Variants in VPS13B observed in about 807,000 individuals in gnomAD.
VPS13B encodes vacuolar protein sorting 13 homolog B.
Under a neutral mutation model 426.4 loss-of-function variants are expected in VPS13B, and 285 were observed. The ratio of observed to expected loss-of-function variants is 0.67; its 90% CI spans 0.61 to 0.74. VPS13B has a LOEUF of 0.74. Among genes scored for constraint, VPS13B ranks in the 30% least tolerant of loss-of-function variants. The pLI is 0.00. For missense variants in VPS13B, 4,537 were observed against 4,782.6 expected, an observed-to-expected ratio of 0.95 and a Z score of 1.51; for synonymous variants, 1,676 against 1,676.4, an observed-to-expected ratio of 1.00 and a Z score of 0.01.
intron 13 of VPS13B, among the ~76,000 whole-genome samples, chr8:99,146,038 G>T (rs1810710007): frequency 9.0e-6 from 1 of 111,232 alleles, no homozygotes; most frequent in East Asian, 4.0e-4. Context: ...ATCTCATTGT[G>T]GTTTTAAAGT....
intron 39 of VPS13B, among the ~76,000 whole-genome samples, chr8:99,732,317 C>T (rs930804759): frequency 6.6e-6 from 1 of 152,204 alleles, no homozygotes; most frequent in Non-Finnish European, 1.5e-5. Context: ...CCCCAGCACC[C>T]TTTCCTTCAT....
At chr8:99,488,685 G>A (rs937016061) in intron 25 of VPS13B, among the ~76,000 whole-genome samples, 1 of 152,114 alleles carries the variant, frequency 6.6e-6, no homozygotes, top group Non-Finnish European at 1.5e-5. Flanking sequence ...TACTGTGTAG[G>A]GACTGGGCTG....
chr8:99,123,122 C>CAAAAAAAAAA (rs71273164), intron 8 of VPS13B, among the ~76,000 whole-genome samples: 1 of 61,436 alleles, frequency 1.6e-5, no homozygotes, highest in Non-Finnish European at 3.0e-5. Context: ...ACTCTGTCTC[C>CAAAAAAAAAA]AAAAAAAAAA....
intron 13 of VPS13B, among the ~76,000 whole-genome samples, chr8:99,146,437 A>G (rs547501088): frequency 6.6e-6 from 1 of 152,310 alleles, no homozygotes; most frequent in South Asian, 2.1e-4. Flanking sequence ...TAATTACTGT[A>G]ACTCTATGGT....
rs918573856 is a variant in VPS13B at position 99,458,220 on chromosome 8, A to G, written c.3446-9194A>G. 3.9e-5 allele frequency among the ~76,000 whole-genome samples: 6 copies of G among 151,954 alleles called. No individual in the cohort carries two copies. The East Asian group carries it at 7.7e-4, about 20-fold the overall frequency. ...GCTGAGAATGATGGTTTCCAGCTTC[A>G]TCCATGTCCCTGCAAAGGACATGAA... On this transcript the variant is annotated intron_variant, in intron 23 of 61. Transcript: ENST00000357162.
intron 39 of VPS13B, among the ~76,000 whole-genome samples, chr8:99,735,088 G>A (rs1191335479): frequency 6.6e-6 from 1 of 152,186 alleles, no homozygotes; most frequent in Non-Finnish European, 1.5e-5. Context: ...ACTTATTTAA[G>A]AAATGGTTTG....
intron 30 of VPS13B, among the ~76,000 whole-genome samples, chr8:99,551,976 G>A (rs1824305664): frequency 6.6e-6 from 1 of 151,606 alleles, no homozygotes; most frequent in South Asian, 2.1e-4. Context: ...TCCTTGTTCT[G>A]TCTATTACCT....
At chr8:99,071,219 G>A (rs1299029908) in intron 3 of VPS13B, among the ~76,000 whole-genome samples, 2 of 152,104 alleles carry the variant, frequency 1.3e-5, no homozygotes, top group African/African-American at 2.4e-5. Context: ...GGGCTTGTTT[G>A]TATCCGTCCT....
At chr8:99,755,571 A>T (rs964722407) in intron 39 of VPS13B, among the ~76,000 whole-genome samples, 7 of 152,168 alleles carry the variant, frequency 4.6e-5, no homozygotes, top group Non-Finnish European at 5.9e-5. Flanking sequence ...GGAGTTCAAC[A>T]CCAGCCTGGC....
intron 8 of VPS13B, among the ~76,000 whole-genome samples, chr8:99,128,397 A>C (rs1460279453): frequency 0.027 from 3,633 of 135,752 alleles, 83 homozygotes; most frequent in African/African-American, 0.038. Flanking sequence ...AAAAAAAAAA[A>C]AAAAAAAAAA....
chr8:99,486,942 G>C (rs539751810), intron 25 of VPS13B, among the ~76,000 whole-genome samples: 2 of 152,246 alleles, frequency 1.3e-5, no homozygotes, highest in South Asian at 4.1e-4. Context: ...TAACTGGGAA[G>C]GGAAATCTCA....
intron 8 of VPS13B, among the ~76,000 whole-genome samples, chr8:99,123,739 A>C (rs1365439340): frequency 6.6e-6 from 1 of 152,098 alleles, no homozygotes; most frequent in African/African-American, 2.4e-5. Context: ...GATAGATTTT[A>C]TTATGAGACA....
intron 56 of VPS13B, among the ~76,000 whole-genome samples, 157 bp from the exon 57 acceptor site, chr8:99,859,147 G>T (rs192626936): frequency 6.6e-6 from 1 of 152,218 alleles, no homozygotes; most frequent in African/African-American, 2.4e-5. Context: ...AATTCACAGA[G>T]AATGACTTAT....
At chr8:99,468,151 C>A (rs1167439043) in intron 24 of VPS13B, among the ~76,000 whole-genome samples, 3 of 152,106 alleles carry the variant, frequency 2.0e-5, no homozygotes, top group Admixed American at 6.6e-5. Context: ...CCCCCGACCC[C>A]CCAGCCCACG....
At chr8:99,300,883 T>TG (rs1264226770) in intron 19 of VPS13B, among the ~76,000 whole-genome samples, 1 of 149,768 alleles carries the variant, frequency 6.7e-6, no homozygotes, top group Non-Finnish European at 1.5e-5. Context: ...TAATATAGTT[T>TG]TTTTTTTTTT....
At chr8:99,468,048 C>T (rs117572461) in intron 24 of VPS13B, among the ~76,000 whole-genome samples, 2,034 of 152,202 alleles carry the variant, frequency 0.013, 19 homozygotes, top group Non-Finnish European at 0.02. Flanking sequence ...ATGTGCACAA[C>T]GTGCAGATTT....
At chr8:99,871,129 TG>T in intron 60 of VPS13B, 2 of 600,342 alleles carry the variant, frequency 3.3e-6, no homozygotes, top group Middle Eastern at 9.1e-4. Flanking sequence ...GGTCATACAT[TG>T]GCAGAGAAAC....
At chr8:99,115,258 T>A (rs564219740) in intron 6 of VPS13B, among the ~76,000 whole-genome samples, 35 of 152,104 alleles carry the variant, frequency 2.3e-4, no homozygotes, top group Non-Finnish European at 4.6e-4. Flanking sequence ...TTATGGTTAA[T>A]AAACCTGGAA....
chr8:99,024,504 C>T (rs1842045743), intron 2 of VPS13B, among the ~76,000 whole-genome samples: 1 of 152,164 alleles, frequency 6.6e-6, no homozygotes, highest in East Asian at 1.9e-4. Context: ...GATCTAGTGT[C>T]ACTCTTTTGC....
Sources: gnomAD v4.1 joint callset for allele counts (sites outside exome capture counted in the v4.1 genomes callset) on GRCh38, gnomAD v4.1.1 for gene constraint, MANE v1.5 for transcripts, NCBI Gene and HGNC (gene_info 2026-07-23, HGNC 2026-07-21) for gene names.